KCNB2: variants seen among roughly 807,000 people sequenced by gnomAD.
KCNB2 encodes delayed rectifier potassium channel protein.
Under a neutral mutation model 61.5 loss-of-function variants are expected in KCNB2, and 15 were observed. The ratio of observed to expected loss-of-function variants is 0.24; its 90% CI spans 0.16 to 0.38. The LOEUF is 0.38. Among genes scored for constraint, KCNB2 ranks in the 10% least tolerant of loss-of-function variants. The probability of loss-of-function intolerance (pLI) is 1.00; values close to 1 mark genes in which losing one functional copy is unlikely to be tolerated. For synonymous variants in KCNB2, 457 were observed against 446.0 expected (o/e 1.02, Z -0.31); for missense variants, 828 against 1,125.2 (o/e 0.74, Z 3.78).
chr8:72,775,825 T>C (rs1018606086), intron 2 of KCNB2, among the ~76,000 whole-genome samples: 8 of 152,150 alleles, frequency 5.3e-5, no homozygotes, highest in African/African-American at 1.9e-4. Flanking sequence ...ATCATAACCA[T>C]TGTGGAAGAC....
At chr8:72,703,697 C>T (rs1358069373) in intron 2 of KCNB2, among the ~76,000 whole-genome samples, 4 of 152,074 alleles carry the variant, frequency 2.6e-5, no homozygotes, top group Non-Finnish European at 1.5e-5. Flanking sequence ...TTAGTGTCTA[C>T]TATAAAGAAT....
chr8:72,694,964 T>C (rs950687227), intron 2 of KCNB2, among the ~76,000 whole-genome samples: 1 of 152,096 alleles, frequency 6.6e-6, no homozygotes, highest in Non-Finnish European at 1.5e-5. Flanking sequence ...ACCTACATTT[T>C]TGTCAAAATT....
At chr8:72,565,665 AC>A (rs1158980800) in intron 1 of KCNB2, among the ~76,000 whole-genome samples, 3 of 150,724 alleles carry the variant, frequency 2.0e-5, no homozygotes, top group Admixed American at 1.3e-4. Context: ...CACACACAAC[AC>A]ACACACACAC....
chr8:72,671,768 AG>A (rs1175771801), intron 2 of KCNB2, among the ~76,000 whole-genome samples: 1 of 152,186 alleles, frequency 6.6e-6, no homozygotes, highest in Non-Finnish European at 1.5e-5. Flanking sequence ...CTACAGGCAG[AG>A]GCTTGAAAAT....
At chr8:72,708,503 C>G (rs891301919) in intron 2 of KCNB2, among the ~76,000 whole-genome samples, 16 of 152,308 alleles carry the variant, frequency 1.1e-4, no homozygotes, top group African/African-American at 3.8e-4. Flanking sequence ...ATGCCATCTT[C>G]TGGTGCATTA....
intron 2 of KCNB2, among the ~76,000 whole-genome samples, chr8:72,572,730 A>G (rs577636710): frequency 6.6e-6 from 1 of 152,292 alleles, no homozygotes; most frequent in Non-Finnish European, 1.5e-5. Flanking sequence ...CTCCCTAAGG[A>G]GAAAAATTAA....
At chr8:72,797,940 T>C (rs2041369067) in intron 2 of KCNB2, among the ~76,000 whole-genome samples, 1 of 152,236 alleles carries the variant, frequency 6.6e-6, no homozygotes, top group Non-Finnish European at 1.5e-5. Flanking sequence ...TCTAACCATG[T>C]CTTAGATCCC....
chr8:72,926,600 T>G (rs1415318341), intron 2 of KCNB2, among the ~76,000 whole-genome samples: 2 of 152,158 alleles, frequency 1.3e-5, no homozygotes, highest in African/African-American at 2.4e-5. Flanking sequence ...AAATATTATT[T>G]GGAAAGATAA....
intron 2 of KCNB2, among the ~76,000 whole-genome samples, chr8:72,662,308 T>C (rs1183865520): frequency 6.6e-6 from 1 of 152,064 alleles, no homozygotes; most frequent in Non-Finnish European, 1.5e-5. Context: ...CAACAGATTG[T>C]AGAGGGCACT....
chr8:72,762,581 A>G (rs532910553), intron 2 of KCNB2, among the ~76,000 whole-genome samples: 31 of 152,142 alleles, frequency 2.0e-4, no homozygotes, highest in African/African-American at 6.7e-4. Flanking sequence ...GCCTTACTCT[A>G]TCTGATAAGG....
chr8:72,937,814 G>T lies in KCNB2; in HGVS notation c.2459G>T (p.Gly820Val). ...GACGAAGACTTCTTAGAGCTCCCAG[G>T]GGCAAGGGAGGAGAAGCAGGTGGAC... ...GDDEDFLELPGAREEKQVDSS... is the reference protein window; with the variant it reads ...GDDEDFLELPVAREEKQVDSS... The change falls in exon 3 of 3, where the codon GGG (glycine) becomes GTG (valine). Residue 820 changes from glycine to valine, a missense_variant. Gly to Val is a moderately radical substitution (Grantham distance 109, BLOSUM62 -3). Coordinates refer to ENST00000523207, the MANE Select transcript of KCNB2 (RefSeq NM_004770.3). The T allele has an allele frequency of 6.2e-7, 1 of 1,613,958 alleles. No individual in the cohort carries two copies. Among genetic ancestry groups the T allele is most frequent in the Non-Finnish European group, 8.5e-7 (1 of 1,180,004 alleles).
intron 2 of KCNB2, among the ~76,000 whole-genome samples, chr8:72,870,003 C>T (rs1200920079): frequency 6.6e-6 from 1 of 152,124 alleles, no homozygotes; most frequent in Non-Finnish European, 1.5e-5. Flanking sequence ...TGGAATATTA[C>T]CAGCCTTAAA....
At chr8:72,911,671 G>A (rs1296955863) in intron 2 of KCNB2, among the ~76,000 whole-genome samples, 1 of 152,170 alleles carries the variant, frequency 6.6e-6, no homozygotes, top group Admixed American at 6.5e-5. Context: ...ACTTGCAGCG[G>A]GTGATTCTTA....
chr8:72,891,285 G>A (rs914301876), intron 2 of KCNB2, among the ~76,000 whole-genome samples: 1 of 152,222 alleles, frequency 6.6e-6, no homozygotes, highest in African/African-American at 2.4e-5. Flanking sequence ...GGTAGAAGCA[G>A]CCCAGATTAG....
At chr8:72,918,675 A>G (rs1249636186) in intron 2 of KCNB2, among the ~76,000 whole-genome samples, 1 of 152,228 alleles carries the variant, frequency 6.6e-6, no homozygotes, top group Non-Finnish European at 1.5e-5. Context: ...ATTCAAAAGC[A>G]TAAAATATTA....
chr8:72,629,709 T>C (rs1805848863), intron 2 of KCNB2, among the ~76,000 whole-genome samples: 1 of 152,108 alleles, frequency 6.6e-6, no homozygotes. Flanking sequence ...GGGCAATGGG[T>C]TCTGGGTAAG....
intron 2 of KCNB2, among the ~76,000 whole-genome samples, chr8:72,824,769 G>T (rs1030664830): frequency 2.6e-5 from 4 of 152,114 alleles, no homozygotes; most frequent in African/African-American, 9.7e-5. Flanking sequence ...ATGAAGGAGG[G>T]AGCTGCCCTC....
chr8:72,588,750 A>T (rs1213656052), intron 2 of KCNB2, among the ~76,000 whole-genome samples: 1 of 151,652 alleles, frequency 6.6e-6, no homozygotes, highest in African/African-American at 2.4e-5. Flanking sequence ...TAAATAAAAA[A>T]AAAATTAAAA....
chr8:72,657,526 T>A (rs1806310549), intron 2 of KCNB2, among the ~76,000 whole-genome samples: 2 of 152,100 alleles, frequency 1.3e-5, no homozygotes, highest in African/African-American at 4.8e-5. Context: ...TGAAATATCA[T>A]CTTGAAACTA....
Sources: allele counts gnomAD v4.1 joint callset (sites outside exome capture counted in the v4.1 genomes callset), GRCh38; gene constraint gnomAD v4.1.1; transcripts MANE v1.5; gene names NCBI Gene and HGNC (gene_info 2026-07-23, HGNC 2026-07-21).